Variants in EFCAB6 observed in about 807,000 individuals in gnomAD.
EFCAB6 encodes the protein EF-hand calcium binding domain 6.
Under a neutral mutation model 169.8 loss-of-function variants are expected in EFCAB6, and 156 were observed. The observed-to-expected ratio is 0.92, with a 90% CI of 0.81 to 1.05. The LOEUF is 1.05. EFCAB6 is among the 50% of genes least tolerant of loss of function. The probability of loss-of-function intolerance (pLI) is 0.00; values close to 1 mark genes in which losing one functional copy is unlikely to be tolerated. For missense variants in EFCAB6, 1,800 were observed against 1,829.1 expected, an observed-to-expected ratio of 0.98 and a Z score of 0.29; for synonymous variants, 698 against 676.4, an observed-to-expected ratio of 1.03 and a Z score of -0.50.
chr22:43,744,226 G>A lies in EFCAB6; in HGVS notation c.508-8233C>T, dbSNP rs77654308. Reference sequence around the variant, plus strand: ...ATGGATGGAAGGGCTATGGACAGATGGATGTGGGGATGGATGATGAAGGAT... The same window carrying A: ...ATGGATGGAAGGGCTATGGACAGATAGATGTGGGGATGGATGATGAAGGAT... On this transcript the variant is annotated intron_variant, in intron 6 of 31. Transcript: ENST00000262726. This position sits in a 1 kb window ranked among gnomAD's most constrained non-coding sequence, Gnocchi z 4.3. 0.014 allele frequency among the ~76,000 whole-genome samples: 2,050 copies of A among 151,628 alleles called. 27 individuals carry two copies. Among genetic ancestry groups the A allele is most frequent in the Admixed American group, 0.026 (397 of 15,240 alleles).
At chr22:43,666,952 G>GT in intron 17 of EFCAB6, 152 bp downstream of exon 17, 1 of 864,330 alleles carries the variant, frequency 1.2e-6, no homozygotes, top group East Asian at 3.0e-5. Context: ...CAATTTTTTG[G>GT]CCAAAAAAAA....
chr22:43,582,568 G>T (rs1257584708), intron 24 of EFCAB6, among the ~76,000 whole-genome samples: 3 of 152,148 alleles, frequency 2.0e-5, no homozygotes, highest in African/African-American at 7.2e-5. Context: ...ATTACTTCAG[G>T]AAGTACTCCA....
chr22:43,560,031 T>A (rs1467873984), intron 26 of EFCAB6, among the ~76,000 whole-genome samples: 1 of 152,102 alleles, frequency 6.6e-6, no homozygotes, highest in Non-Finnish European at 1.5e-5. Flanking sequence ...AAGTAAAATT[T>A]AAAAAATGCC....
intron 21 of EFCAB6, among the ~76,000 whole-genome samples, chr22:43,612,635 T>G (rs2053394779): frequency 1.3e-5 from 2 of 152,212 alleles, no homozygotes; most frequent in African/African-American, 4.8e-5. Flanking sequence ...CTCACACCTG[T>G]AATTCCAGCA....
chr22:43,548,067 C>T (rs2048166054), intron 27 of EFCAB6, among the ~76,000 whole-genome samples: 2 of 151,982 alleles, frequency 1.3e-5, no homozygotes, highest in Non-Finnish European at 1.5e-5. Context: ...CTGCACTCCA[C>T]CCTGGGTGAT....
At chr22:43,540,402 C>CA in intron 27 of EFCAB6, 45 bp from the exon 28 acceptor site, 2 of 1,610,584 alleles carry the variant, frequency 1.2e-6, no homozygotes, top group Non-Finnish European at 1.7e-6. Flanking sequence ...AGTGCAAACA[C>CA]AGGCAGCGTC....
intron 10 of EFCAB6, among the ~76,000 whole-genome samples, chr22:43,702,125 C>T (rs2058788396): frequency 6.6e-6 from 1 of 152,204 alleles, no homozygotes; most frequent in African/African-American, 2.4e-5. Context: ...CTTTACACCT[C>T]ATGAGTTATC....
chr22:43,580,166 C>T (rs1175680452), intron 25 of EFCAB6, among the ~76,000 whole-genome samples: 1 of 152,126 alleles, frequency 6.6e-6, no homozygotes, highest in Non-Finnish European at 1.5e-5. Flanking sequence ...TTGAGAGCTC[C>T]CAGGATGCGC....
chr22:43,772,975 C>G lies in EFCAB6; in HGVS notation c.268G>C (p.Val90Leu). 1 of 1,614,236 alleles carries G rather than the reference C, an allele frequency of 6.2e-7. No homozygotes were observed. The highest frequency in any genetic ancestry group is 8.5e-7 in the Non-Finnish European group (1 of 1,180,044). ...ATTCTTCTCAGTTCACTTTTTGACA[C>G]AGTCAAGTTCTGACCAGTATCCAGC... The part of the protein sequence containing the change: ...QLLDTGQNLT[V>L]SKSELRRIIT... The change falls in exon 4 of 32, where the codon GTG becomes CTG. Residue 90 changes from valine (V) to leucine (L), a missense_variant. By Grantham distance (32) the Val-to-Leu change is conservative. Coordinates refer to ENST00000262726, the MANE Select transcript of EFCAB6 (RefSeq NM_022785.4).
chr22:43,594,498 A>G (rs771356113), intron 23 of EFCAB6, among the ~76,000 whole-genome samples: 5 of 152,178 alleles, frequency 3.3e-5, no homozygotes, highest in Non-Finnish European at 7.3e-5. Flanking sequence ...AGCTATGCTT[A>G]TATCAGATAA....
chr22:43,553,443 TG>T (rs1386903703), intron 27 of EFCAB6: 1 of 152,304 alleles, frequency 6.6e-6, no homozygotes, highest in Non-Finnish European at 1.5e-5. Flanking sequence ...CTTCTGTAAC[TG>T]GATCAGTGGT....
chr22:43,762,242 A>G (rs377355552), intron 5 of EFCAB6, among the ~76,000 whole-genome samples: 1 of 152,214 alleles, frequency 6.6e-6, no homozygotes, highest in East Asian at 1.9e-4. Context: ...ATGAAGGTTT[A>G]TATTTGTAAT....
At chr22:43,579,979 C>T (rs1431260953) in intron 25 of EFCAB6, among the ~76,000 whole-genome samples, 2 of 152,222 alleles carry the variant, frequency 1.3e-5, no homozygotes, top group Non-Finnish European at 2.9e-5. Flanking sequence ...GGCATCATTC[C>T]GTACACCGTC....
chr22:43,586,759 C>T (rs934052906), intron 24 of EFCAB6, among the ~76,000 whole-genome samples: 4 of 152,112 alleles, frequency 2.6e-5, no homozygotes, highest in Non-Finnish European at 5.9e-5. Flanking sequence ...AGTCCAGCAG[C>T]GTCAGCATCA....
At chr22:43,551,002 G>T (rs1003185374) in intron 27 of EFCAB6, among the ~76,000 whole-genome samples, 6 of 152,190 alleles carry the variant, frequency 3.9e-5, no homozygotes, top group Admixed American at 1.3e-4. Context: ...AGTCAAGAAA[G>T]CTGGCCCCTC....
chr22:43,774,486 C>T (rs919329177), intron 3 of EFCAB6, among the ~76,000 whole-genome samples: 10 of 151,698 alleles, frequency 6.6e-5, no homozygotes, highest in South Asian at 2.1e-4. Flanking sequence ...GATTCTCCCC[C>T]GACACCCACT....
At chr22:43,663,271 C>A (rs1381351420) in intron 17 of EFCAB6, among the ~76,000 whole-genome samples, 1 of 152,160 alleles carries the variant, frequency 6.6e-6, no homozygotes, top group Non-Finnish European at 1.5e-5. Flanking sequence ...AAGGCTTCCA[C>A]AACACTGAAA....
chr22:43,578,812 AT>A (rs2050448859), intron 25 of EFCAB6, among the ~76,000 whole-genome samples: 2 of 124,016 alleles, frequency 1.6e-5, no homozygotes, highest in South Asian at 6.0e-4. Context: ...ACATGCAGGC[AT>A]CATTCCCTAC....
chr22:43,738,034 A>G (rs2060221257), intron 6 of EFCAB6, among the ~76,000 whole-genome samples: 2 of 151,434 alleles, frequency 1.3e-5, no homozygotes, highest in African/African-American at 4.9e-5. Context: ...ACACACCTGC[A>G]TATACTCACA....
Sources: gnomAD v4.1 joint callset for allele counts (sites outside exome capture counted in the v4.1 genomes callset) on GRCh38, gnomAD v4.1.1 for gene constraint, Gnocchi (gnomAD v3.1) non-coding constraint, MANE v1.5 for transcripts, NCBI Gene and HGNC (gene_info 2026-07-23, HGNC 2026-07-21) for gene names.